Variants in RPH3AL observed in about 807,000 individuals in gnomAD.
The protein encoded by RPH3AL is rabphilin 3A like (without C2 domains).
Under a neutral mutation model 43.1 loss-of-function variants are expected in RPH3AL, and 38 were observed. The observed-to-expected ratio is 0.88, with a 90% CI of 0.68 to 1.15. RPH3AL has a LOEUF of 1.15. Ranked by LOEUF, RPH3AL falls within the 50% of genes most tolerant of loss-of-function variation. RPH3AL has a pLI of 0.00. For missense variants in RPH3AL, 462 were observed against 423.2 expected (o/e 1.09, Z -0.81); for synonymous variants, 189 against 176.3 (o/e 1.07, Z -0.57).
intron 5 of RPH3AL, among the ~76,000 whole-genome samples, chr17:297,461 C>T (rs759647336): frequency 2.0e-5 from 3 of 152,164 alleles, no homozygotes; most frequent in African/African-American, 4.8e-5. Context: ...AGTCCTGGGA[C>T]CGAGCCCTCG....
intron 2 of RPH3AL, chr17:331,916 A>C: frequency 8.0e-7 from 1 of 1,255,210 alleles, no homozygotes; most frequent in Non-Finnish European, 1.0e-6. Context: ...GGAACAAAAT[A>C]GGGCCTTATA....
chr17:236,428 C>T (rs945462639), intron 7 of RPH3AL, among the ~76,000 whole-genome samples: 79 of 152,162 alleles, frequency 5.2e-4, no homozygotes, highest in African/African-American at 1.7e-3. Context: ...CCACGCCATC[C>T]GTTATGTTTG....
intron 1 of RPH3AL, 161 bp downstream of exon 1, chr17:352,551 A>C (rs765908538): frequency 6.6e-6 from 1 of 152,242 alleles, no homozygotes; most frequent in Non-Finnish European, 1.5e-5. Flanking sequence ...GCAAGTTTCC[A>C]GTCAACGATT....
chr17:352,189 G>C (rs921545526), intron 1 of RPH3AL, among the ~76,000 whole-genome samples: 1 of 152,220 alleles, frequency 6.6e-6, no homozygotes, highest in Non-Finnish European at 1.5e-5. Context: ...CACAGAGCCT[G>C]CTGCAGCCCC....
At chr17:220,496 C>T (rs879317284) in intron 7 of RPH3AL, among the ~76,000 whole-genome samples, 2 of 68,814 alleles carry the variant, frequency 2.9e-5, no homozygotes, top group East Asian at 4.2e-4. Context: ...TAGACCCAAG[C>T]ACATCAGCTC....
intron 6 of RPH3AL, among the ~76,000 whole-genome samples, chr17:251,308 C>T (rs1211711471): frequency 2.0e-5 from 3 of 152,182 alleles, no homozygotes; most frequent in African/African-American, 7.2e-5. Flanking sequence ...ATGGGTAATG[C>T]AGGCACATGG....
chr17:257,237 T>A (rs1450818508), intron 6 of RPH3AL, among the ~76,000 whole-genome samples: 3 of 37,306 alleles, frequency 8.0e-5, no homozygotes, highest in Non-Finnish European at 1.9e-4. Flanking sequence ...GTGACTACCC[T>A]ACGTACTTCC....
intron 5 of RPH3AL, among the ~76,000 whole-genome samples, chr17:317,119 A>G (rs2044275358): frequency 7.8e-6 from 1 of 127,618 alleles, no homozygotes; most frequent in African/African-American, 3.1e-5. Context: ...CTGTGACTCC[A>G]CCTCCACTGA....
At chr17:214,168 G>A (rs1171291392) in intron 9 of RPH3AL, among the ~76,000 whole-genome samples, 2 of 152,192 alleles carry the variant, frequency 1.3e-5, no homozygotes, top group Non-Finnish European at 1.5e-5. Context: ...TCAACATGGC[G>A]ACCTCAGGAT....
At chr17:337,471 C>A (rs529312854) in intron 1 of RPH3AL, among the ~76,000 whole-genome samples, 1 of 152,182 alleles carries the variant, frequency 6.6e-6, no homozygotes, top group Non-Finnish European at 1.5e-5. Flanking sequence ...CCTTAACCTG[C>A]CTCTTTCCCT....
chr17:319,606 A>C lies in RPH3AL; in HGVS notation c.222-57T>G. 1.9e-6 allele frequency: 3 copies of C among 1,597,088 alleles called. No individual in the cohort carries two copies. In the Admixed American group the frequency reaches 5.0e-5, roughly 27 times the overall value. The stretch of plus-strand genomic sequence containing the variant: ...GTGCTTCCTGCCTGGGCACAGTTGC[A>C]CTGAGGCCCGAAACCGTACCATGCC... On this transcript the variant is annotated intron_variant, in intron 4 of 9. Coordinates refer to ENST00000331302, the MANE Select transcript of RPH3AL (RefSeq NM_006987.4).
chr17:304,493 TCAAA>T (rs2151642481), intron 5 of RPH3AL, among the ~76,000 whole-genome samples: 1 of 152,220 alleles, frequency 6.6e-6, no homozygotes, highest in South Asian at 2.1e-4. Flanking sequence ...CTGCTGAGGC[TCAAA>T]CAACTGAGGC....
At chr17:258,082 C>T (rs1326157736) in intron 6 of RPH3AL, among the ~76,000 whole-genome samples, 2 of 152,114 alleles carry the variant, frequency 1.3e-5, no homozygotes, top group African/African-American at 2.4e-5. Flanking sequence ...CGTGTCAGCA[C>T]GTCCTTCCTT....
At chr17:334,460 C>T (rs931533609) in intron 1 of RPH3AL, among the ~76,000 whole-genome samples, 2 of 151,776 alleles carry the variant, frequency 1.3e-5, no homozygotes, top group Non-Finnish European at 2.9e-5. Flanking sequence ...CTTCTCCCCA[C>T]GCCTTCTCCG....
At chr17:222,186 A>G (rs1000298478) in intron 7 of RPH3AL, among the ~76,000 whole-genome samples, 2 of 152,254 alleles carry the variant, frequency 1.3e-5, no homozygotes, top group African/African-American at 4.8e-5. Flanking sequence ...TTCCATGGAC[A>G]CATTCATTGA....
Position 262,198 on chromosome 17 carries a change from G to A in RPH3AL, c.439-14913C>T, listed in dbSNP as rs148092173. ...TTATAAAAATGTGATCCTCACATAC[G>A]TTTGAGCCTAAGACGTTTCATGTTT... On this transcript the variant is annotated intron_variant, in intron 6 of 9. Transcript: ENST00000331302. 3.6e-3 allele frequency among the ~76,000 whole-genome samples: 548 copies of A among 152,226 alleles called. 7 individuals are homozygous for A. The highest frequency in any genetic ancestry group is 9.2e-3 in the Admixed American group (141 of 15,284).
chr17:309,996 T>C lies in RPH3AL; in HGVS notation c.351+9424A>G, dbSNP rs181349145. On this transcript the variant is annotated intron_variant, in intron 5 of 9. Coordinates refer to ENST00000331302, the MANE Select transcript of RPH3AL (RefSeq NM_006987.4). ...CATGAAGACTCAGGTCATCGTTTCA[T>C]AGGCAGGCTCCCCTGCACCCACACT... Among the ~76,000 whole-genome samples, 739 of 152,016 alleles carry C rather than the reference T, an allele frequency of 4.9e-3. 6 individuals carry two copies. Among genetic ancestry groups the C allele is most frequent in the African/African-American group, 0.017 (705 of 41,460 alleles).
rs7207284 is a variant in RPH3AL, at chr17:245,840, C to T, written c.613+1271G>A. On this transcript the variant is annotated intron_variant, in intron 7 of 9. Coordinates refer to ENST00000331302, the MANE Select transcript of RPH3AL (RefSeq NM_006987.4). This position sits in a 1 kb window ranked among gnomAD's most constrained non-coding sequence, Gnocchi z 5.9. Reference sequence around the variant, plus strand: ...CCTCCTGAGGGACTCCCCGCCTGCACGGTCTCCACTGCATTGCATCCCACG... The same window carrying T: ...CCTCCTGAGGGACTCCCCGCCTGCATGGTCTCCACTGCATTGCATCCCACG... Among the ~76,000 whole-genome samples the T allele has an allele frequency of 0.41, 62,952 of 151,946 alleles. 13,529 individuals carry two copies. The highest frequency in any genetic ancestry group is 0.6 in the East Asian group (3,068 of 5,118).
At chr17:235,572 T>C (rs71369968) in intron 7 of RPH3AL, among the ~76,000 whole-genome samples, 4,172 of 19,132 alleles carry the variant, frequency 0.22, 241 homozygotes, top group Non-Finnish European at 0.23. Flanking sequence ...CTGGGGTCGG[T>C]GGAGGCTCCA....
Sources: gnomAD v4.1 joint callset for allele counts (sites outside exome capture counted in the v4.1 genomes callset) on GRCh38, gnomAD v4.1.1 for gene constraint, Gnocchi (gnomAD v3.1) non-coding constraint, MANE v1.5 for transcripts, NCBI Gene and HGNC (gene_info 2026-07-23, HGNC 2026-07-21) for gene names.